The following KLHL1 variants were observed in gnomAD, a reference collection of about 807,000 sequenced individuals.
KLHL1 encodes the protein kelch like family member 1, also known as kelch-like protein 1.
Under a neutral mutation model 77.7 loss-of-function variants are expected in KLHL1, and 47 were observed. That is an observed-to-expected ratio of 0.60 (90% CI 0.48 to 0.77). The LOEUF (loss-of-function observed/expected upper bound fraction) is 0.77. Among genes scored for constraint, KLHL1 ranks in the 30% least tolerant of loss-of-function variants. KLHL1 has a pLI of 0.00. For missense variants in KLHL1, 925 were observed against 910.8 expected (o/e 1.02, Z -0.20); for synonymous variants, 360 against 325.2 (o/e 1.11, Z -1.15).
chr13:69,927,980 C>T (rs1487151274), intron 4 of KLHL1, among the ~76,000 whole-genome samples: 1 of 152,104 alleles, frequency 6.6e-6, no homozygotes, highest in Non-Finnish European at 1.5e-5. Context: ...AACAAGAATG[C>T]TGGACAGAAA....
intron 1 of KLHL1, among the ~76,000 whole-genome samples, chr13:70,031,276 C>G (rs767309746): frequency 2.0e-4 from 30 of 152,198 alleles, no homozygotes; most frequent in Non-Finnish European, 3.5e-4. Context: ...GCAAACATCA[C>G]ATCTCACATT....
intron 6 of KLHL1, among the ~76,000 whole-genome samples, chr13:69,830,773 T>C (rs1405440261): frequency 2.0e-5 from 3 of 149,844 alleles, no homozygotes; most frequent in African/African-American, 7.5e-5. Context: ...TGGAATAAAA[T>C]TGGAAATCAA....
intron 7 of KLHL1, among the ~76,000 whole-genome samples, chr13:69,780,692 ATATATATATGTATATATATATATG>A (rs1319920723): frequency 0.13 from 1,326 of 9,870 alleles, 81 homozygotes; most frequent in African/African-American, 0.27. Context: ...CTTCATATAT[ATATATATATGTATATATATATATG>A]TATATATATA....
intron 5 of KLHL1, among the ~76,000 whole-genome samples, chr13:69,863,086 A>C (rs781498644): frequency 1.3e-5 from 2 of 152,114 alleles, no homozygotes; most frequent in African/African-American, 4.8e-5. Context: ...AAATGTTTTT[A>C]TTCCACTCTA....
At chr13:70,029,658 C>T (rs1199652410) in intron 1 of KLHL1, among the ~76,000 whole-genome samples, 8 of 152,094 alleles carry the variant, frequency 5.3e-5, no homozygotes, top group South Asian at 2.1e-4. Flanking sequence ...CATGCCAAAT[C>T]GTAAAGACCA....
chr13:69,720,903 A>G (rs1873015586), intron 8 of KLHL1, among the ~76,000 whole-genome samples: 1 of 146,550 alleles, frequency 6.8e-6, no homozygotes, highest in South Asian at 2.2e-4. Context: ...TTTTGAATAG[A>G]GGGAGAATAT....
At chr13:69,953,738 CAT>C (rs1352929354) in intron 3 of KLHL1, among the ~76,000 whole-genome samples, 3 of 151,074 alleles carry the variant, frequency 2.0e-5, no homozygotes, top group Non-Finnish European at 4.5e-5. Flanking sequence ...AATTAAAAAA[CAT>C]ATAATGCTGA....
rs549886145 is a variant in KLHL1 at position 69,729,596 on chromosome 13, A to G, written c.1803-10015T>C. ...GGTGATGTTAAAACAATTTTCTGCT[A>G]TGGGTCTGAAGTAAAAGGTCATTTT... On this transcript the variant is annotated intron_variant, in intron 8 of 10. Transcript: ENST00000377844. Among the ~76,000 whole-genome samples the G allele has an allele frequency of 3.4e-4, 51 of 152,232 alleles. No homozygotes were observed. In the East Asian group the frequency reaches 8.3e-3, roughly 25 times the overall value.
chr13:69,720,680 G>C (rs1217766936), intron 8 of KLHL1, among the ~76,000 whole-genome samples: 1 of 151,822 alleles, frequency 6.6e-6, no homozygotes, highest in Non-Finnish European at 1.5e-5. Flanking sequence ...AAAAAACTTG[G>C]AAGAGAGTGG....
At chr13:69,753,078 C>T (rs535312934) in intron 7 of KLHL1, among the ~76,000 whole-genome samples, 56 of 152,176 alleles carry the variant, frequency 3.7e-4, no homozygotes, top group African/African-American at 1.3e-3. Flanking sequence ...ATTCTTCCTG[C>T]CCAATCCTCC....
chr13:70,091,364 CT>C (rs1297993120), intron 1 of KLHL1, among the ~76,000 whole-genome samples: 1 of 151,930 alleles, frequency 6.6e-6, no homozygotes, highest in East Asian at 1.9e-4. Context: ...TATGATCAGT[CT>C]TTTCGACTGT....
intron 7 of KLHL1, among the ~76,000 whole-genome samples, chr13:69,756,956 C>T (rs1874773383): frequency 6.6e-6 from 1 of 151,910 alleles, no homozygotes; most frequent in South Asian, 2.1e-4. Context: ...TAAACAGAAA[C>T]AAACAAACAA....
chr13:69,901,944 T>G (rs1881881966), intron 4 of KLHL1, among the ~76,000 whole-genome samples: 1 of 152,024 alleles, frequency 6.6e-6, no homozygotes, highest in South Asian at 2.1e-4. Context: ...GTTACAAGCA[T>G]GTACCACCTT....
At chr13:69,972,564 T>C (rs1248575697) in intron 2 of KLHL1, among the ~76,000 whole-genome samples, 2 of 151,868 alleles carry the variant, frequency 1.3e-5, no homozygotes, top group Non-Finnish European at 2.9e-5. Context: ...CTTTCCTCAT[T>C]ATGAGCCCTA....
intron 4 of KLHL1, among the ~76,000 whole-genome samples, chr13:69,918,199 G>A (rs1461987181): frequency 6.6e-6 from 1 of 151,808 alleles, no homozygotes; most frequent in Non-Finnish European, 1.5e-5. Context: ...TTCATATGAA[G>A]TACTGCTAAA....
chr13:70,035,339 C>T (rs1407285880), intron 1 of KLHL1, among the ~76,000 whole-genome samples: 1 of 152,016 alleles, frequency 6.6e-6, no homozygotes, highest in Non-Finnish European at 1.5e-5. Context: ...CACAGAAAAA[C>T]AAACTTCATA....
At chr13:69,722,471 T>G (rs908166191) in intron 8 of KLHL1, among the ~76,000 whole-genome samples, 8 of 152,040 alleles carry the variant, frequency 5.3e-5, no homozygotes, top group Admixed American at 2.6e-4. Context: ...CATATAGGTC[T>G]GTTCAGATTT....
chr13:69,788,226 G>A (rs972077989), intron 7 of KLHL1, among the ~76,000 whole-genome samples: 6 of 152,168 alleles, frequency 3.9e-5, no homozygotes, highest in East Asian at 1.9e-4. Context: ...GTTTATTGTG[G>A]CACTATTCAC....
chr13:70,055,179 A>G (rs1886715218), intron 1 of KLHL1, among the ~76,000 whole-genome samples: 1 of 152,088 alleles, frequency 6.6e-6, no homozygotes, highest in African/African-American at 2.4e-5. Flanking sequence ...AATCAGCAAA[A>G]GGGAGGAAAC....
Sources: allele counts gnomAD v4.1 joint callset (sites outside exome capture counted in the v4.1 genomes callset), GRCh38; gene constraint gnomAD v4.1.1; transcripts MANE v1.5; gene names NCBI Gene and HGNC (gene_info 2026-07-23, HGNC 2026-07-21).